Variants in SRPK1 observed in about 807,000 individuals in gnomAD.
SRPK1 encodes the protein SRSF protein kinase 1, also known as SFRS protein kinase 1.
SRPK1 carries 52 observed loss-of-function variants against 89.5 expected under a neutral mutation model. The ratio of observed to expected loss-of-function variants is 0.58; its 90% CI spans 0.46 to 0.73. SRPK1 has a LOEUF of 0.73. SRPK1 is among the 30% of genes least tolerant of loss of function. SRPK1 has a pLI of 0.00. For synonymous variants in SRPK1, 255 were observed against 270.2 expected (o/e 0.94, Z 0.55); for missense variants, 603 against 780.6 (o/e 0.77, Z 2.71).
rs1353733748 is a variant in SRPK1, at chr6:35,915,995, T to TAC, written c.74+4472_74+4473insGT. Among the ~76,000 whole-genome samples, 209 of 54,624 alleles carry TAC rather than the reference T, an allele frequency of 3.8e-3. 2 individuals carry two copies. The highest frequency in any genetic ancestry group is 5.2e-3 in the Non-Finnish European group (158 of 30,648). The allele number at this position is 54,624 out of a possible 152,430, so 35.8% of individuals were successfully genotyped here. ...TCAAAAACAAAAAAAAAAAAAAATA[T>TAC]ATACACACACACACACACACACACA... On this transcript the variant is annotated intron_variant, in intron 2 of 15. Coordinates refer to ENST00000373825, the MANE Select transcript of SRPK1 (RefSeq NM_003137.5).
In SRPK1 at chr6:35,886,791, A is replaced by G; in HGVS notation, c.411T>C (p.Asn137=). 1.2e-6 allele frequency: 2 copies of G among 1,610,888 alleles called. No individual in the cohort carries two copies. The highest frequency in any genetic ancestry group is 2.2e-5 in the East Asian group (1 of 44,824). ...GAACAACCATTTCTCTATTTGGATC[A>G]TTAGGGTCTGAATTGCGAACCTGTA... ...LLKSVRNSDP[N]DPNREMVVQL... is the part of the protein sequence containing the mutation. The change falls in exon 6 of 16, where the codon AAT becomes AAC. Residue 137 remains asparagine, a synonymous_variant. Transcript: ENST00000373825.
intron 6 of SRPK1, among the ~76,000 whole-genome samples, chr6:35,876,720 T>C (rs1248571146): frequency 6.6e-6 from 1 of 152,202 alleles, no homozygotes; most frequent in Non-Finnish European, 1.5e-5. Context: ...ACTGGACTTA[T>C]CTTATTGAAA....
intron 12 of SRPK1, among the ~76,000 whole-genome samples, chr6:35,861,568 C>T (rs2127238356): frequency 6.6e-6 from 1 of 152,334 alleles, no homozygotes; most frequent in East Asian, 1.9e-4. Flanking sequence ...GCCGGTGAGA[C>T]CAAGATGTGA....
At chr6:35,915,438 GGACAAAATTTT>G (rs1771068550) in intron 2 of SRPK1, among the ~76,000 whole-genome samples, 1 of 149,792 alleles carries the variant, frequency 6.7e-6, no homozygotes, top group Admixed American at 6.6e-5. Flanking sequence ...AAATCTTGCT[GGACAAAATTTT>G]GACAAAATGA....
intron 2 of SRPK1, among the ~76,000 whole-genome samples, chr6:35,897,081 T>C (rs1459727851): frequency 1.3e-5 from 2 of 152,330 alleles, no homozygotes; most frequent in East Asian, 3.9e-4. Context: ...GAGTGACTAC[T>C]AATGGGTTTG....
At chr6:35,879,448 A>C (rs1045056139) in intron 6 of SRPK1, among the ~76,000 whole-genome samples, 3 of 152,020 alleles carry the variant, frequency 2.0e-5, no homozygotes, top group Admixed American at 6.6e-5. Context: ...TGAAAGGCTG[A>C]GGCAGGAGGA....
At chr6:35,917,189 T>C (rs1393434782) in intron 2 of SRPK1, among the ~76,000 whole-genome samples, 2 of 152,230 alleles carry the variant, frequency 1.3e-5, no homozygotes, top group African/African-American at 2.4e-5. Context: ...AGATAGATGA[T>C]TGTGCTGTTT....
chr6:35,898,689 G>A (rs777332567), intron 2 of SRPK1, among the ~76,000 whole-genome samples: 1 of 152,084 alleles, frequency 6.6e-6, no homozygotes, highest in Non-Finnish European at 1.5e-5. Flanking sequence ...CCGAGATCAT[G>A]ACATTGCACT....
At chr6:35,875,254 CTT>C (rs753490683) in intron 6 of SRPK1, among the ~76,000 whole-genome samples, 20 of 136,918 alleles carry the variant, frequency 1.5e-4, no homozygotes, top group South Asian at 4.6e-4. Flanking sequence ...ATGGAGACTT[CTT>C]TTTTTTTTTT....
rs76545134 is a variant in SRPK1 at position 35,852,540 on chromosome 6, C to T, written c.1620+4721G>A. Among the ~76,000 whole-genome samples, 674 of 152,304 alleles carry T rather than the reference C, an allele frequency of 4.4e-3. 4 individuals carry two copies. The highest frequency in any genetic ancestry group is 8.3e-3 in the Non-Finnish European group (562 of 68,022). ...TAAAATGGCATTCAAAATCCAGCCT[C>T]CAGTGACTTACTGCTGTTGAATAAA... On this transcript the variant is annotated intron_variant, in intron 13 of 15. Coordinates refer to ENST00000373825, the MANE Select transcript of SRPK1 (RefSeq NM_003137.5).
intron 2 of SRPK1, among the ~76,000 whole-genome samples, chr6:35,918,627 C>G (rs567625394): frequency 6.6e-6 from 1 of 152,176 alleles, no homozygotes; most frequent in African/African-American, 2.4e-5. Flanking sequence ...AGTTCATTCA[C>G]GCATATTTTC....
chr6:35,896,183 G>A (rs540857372), intron 2 of SRPK1, among the ~76,000 whole-genome samples: 2 of 152,320 alleles, frequency 1.3e-5, no homozygotes, highest in South Asian at 4.1e-4. Flanking sequence ...AAACGGGGGA[G>A]AGGCAGTCTT....
intron 13 of SRPK1, among the ~76,000 whole-genome samples, chr6:35,853,140 T>A (rs1452479550): frequency 1.3e-5 from 2 of 151,984 alleles, no homozygotes; most frequent in African/African-American, 4.8e-5. Flanking sequence ...TGTGCCCATA[T>A]ACTCGTTGGC....
intron 6 of SRPK1, among the ~76,000 whole-genome samples, chr6:35,880,928 G>A (rs1486445294): frequency 6.6e-6 from 1 of 151,698 alleles, no homozygotes; most frequent in African/African-American, 2.4e-5. Flanking sequence ...AAGATTAAGA[G>A]GGAATCTTGA....
At chr6:35,847,210 T>G (rs1298285159) in intron 13 of SRPK1, among the ~76,000 whole-genome samples, 1 of 152,138 alleles carries the variant, frequency 6.6e-6, no homozygotes, top group Non-Finnish European at 1.5e-5. Context: ...GCTGATAACA[T>G]AACTTTTTTT....
intron 2 of SRPK1, among the ~76,000 whole-genome samples, chr6:35,900,580 T>C (rs1171768771): frequency 6.6e-6 from 1 of 152,200 alleles, no homozygotes; most frequent in African/African-American, 2.4e-5. Flanking sequence ...CAGCAGAAGT[T>C]GGGACAGCAA....
At chr6:35,894,389 C>T (rs1038372386) in intron 2 of SRPK1, among the ~76,000 whole-genome samples, 3 of 152,084 alleles carry the variant, frequency 2.0e-5, no homozygotes, top group Non-Finnish European at 2.9e-5. Flanking sequence ...ATCTCATAAT[C>T]GCCCATTATC....
chr6:35,912,371 T>C (rs1770989156), intron 2 of SRPK1, among the ~76,000 whole-genome samples: 1 of 151,962 alleles, frequency 6.6e-6, no homozygotes, highest in Non-Finnish European at 1.5e-5. Context: ...AAATTATTAT[T>C]GAGGCAAGAC....
At chr6:35,920,129 C>G in intron 2 of SRPK1, 1 of 487,458 alleles carries the variant, frequency 2.1e-6, no homozygotes, top group South Asian at 1.5e-5. Context: ...AGTTCAGAAA[C>G]AGACCGATAA....
Sources: allele counts gnomAD v4.1 joint callset (sites outside exome capture counted in the v4.1 genomes callset), GRCh38; gene constraint gnomAD v4.1.1; transcripts MANE v1.5; gene names NCBI Gene and HGNC (gene_info 2026-07-23, HGNC 2026-07-21).